The following WDR76 variants were observed in gnomAD, a reference collection of about 807,000 sequenced individuals.
The protein encoded by WDR76 is WD repeat domain 76.
In WDR76, 52 loss-of-function variants were observed where a neutral mutation model predicts 70.2. The observed-to-expected ratio is 0.74, with a 90% CI of 0.59 to 0.93. The LOEUF is 0.93. Ranked by LOEUF, WDR76 falls within the 40% of genes least tolerant of loss-of-function variation. The pLI is 0.00. For missense variants in WDR76, 756 were observed against 760.2 expected (o/e 0.99, Z 0.07); for synonymous variants, 292 against 271.1 (o/e 1.08, Z -0.76).
chr15:43,862,495 TTTTTTTG>T (rs971665265), intron 12 of WDR76, among the ~76,000 whole-genome samples: 3 of 147,438 alleles, frequency 2.0e-5, no homozygotes, highest in African/African-American at 7.9e-5. Flanking sequence ...TTTCTGTTTT[TTTTTTTG>T]TTTTTTGTTT....
Position 43,828,285 on chromosome 15 carries a change from A to G in WDR76, c.381A>G (p.Arg127=). The change falls in exon 2 of 13, where the codon AGA becomes AGG. Residue 127 remains arginine, a synonymous_variant. Transcript: ENST00000263795. ...AAAGTAACAAGCTACAACCCAAGAG[A>G]ACGGCAGATGCGATGAATCTCAGTG... The part of the protein sequence containing the change: ...HTESNKLQPK[R]TADAMNLSVD... The G allele has an allele frequency of 6.2e-7, 1 of 1,614,168 alleles. No individual in the cohort carries two copies. Among genetic ancestry groups the G allele is most frequent in the African/African-American group, 1.3e-5 (1 of 75,044 alleles).
rs146211620 is a variant in WDR76, at chr15:43,862,384, C to G, written c.1616+998C>G. ...CCAGGCTGGAGTGCAGTGGCATGAT[C>G]TTGGCTCACTGCAGCCTCCGCCTCC... On this transcript the variant is annotated intron_variant, in intron 12 of 12. Coordinates refer to ENST00000263795, the MANE Select transcript of WDR76 (RefSeq NM_024908.4). Among the ~76,000 whole-genome samples, 41 of 132,106 alleles carry G rather than the reference C, an allele frequency of 3.1e-4. No homozygotes were observed. In the East Asian group the frequency reaches 8.3e-3, roughly 27 times the overall value. 86.7% of individuals were successfully genotyped at this position (132,106 alleles called of 152,430 possible).
intron 5 of WDR76, among the ~76,000 whole-genome samples, chr15:43,841,016 ATTTC>A (rs1299223440): frequency 2.0e-5 from 3 of 150,534 alleles, no homozygotes; most frequent in African/African-American, 4.9e-5. Flanking sequence ...GCACTTTGGT[ATTTC>A]TTTTTTTTTT....
chr15:43,855,108 T>C (rs1181909821), intron 9 of WDR76, among the ~76,000 whole-genome samples: 1 of 152,248 alleles, frequency 6.6e-6, no homozygotes, highest in Non-Finnish European at 1.5e-5. Context: ...GTTGGAATTA[T>C]ATGATTTGTA....
intron 2 of WDR76, among the ~76,000 whole-genome samples, chr15:43,833,865 G>A (rs1403729229): frequency 6.6e-6 from 1 of 151,902 alleles, no homozygotes; most frequent in East Asian, 1.9e-4. Context: ...CTGATTTCCT[G>A]ACCTGGTGAT....
intron 2 of WDR76, among the ~76,000 whole-genome samples, chr15:43,829,676 T>G (rs1363966189): frequency 2.0e-5 from 3 of 151,870 alleles, no homozygotes; most frequent in Non-Finnish European, 1.5e-5. Flanking sequence ...CCGGCTAATT[T>G]TTTATATTTT....
Position 43,858,684 on chromosome 15 carries a change from T to G in WDR76, c.1423T>G (p.Tyr475Asp). ...ITAGLRDTHI[Y>D]DARRLNSRRS... ...CTCCCATTACAGGGATACTCATATT[T>G]ATGATGCAAGGCGATTGAATTCCAG... Residue 475 changes from tyrosine to aspartate, a missense_variant, in exon 11 of 13, where the codon TAT becomes GAT. Coordinates refer to ENST00000263795, the MANE Select transcript of WDR76 (RefSeq NM_024908.4). 6.2e-7 allele frequency: 1 copy of G among 1,614,034 alleles called. No individual in the cohort carries two copies. The highest frequency in any genetic ancestry group is 8.5e-7 in the Non-Finnish European group (1 of 1,179,942).
chr15:43,841,392 T>G (rs865971253), intron 5 of WDR76, among the ~76,000 whole-genome samples: 37 of 151,866 alleles, frequency 2.4e-4, no homozygotes, highest in African/African-American at 8.5e-4. Context: ...AGAGATGGGG[T>G]TTCACTGCGT....
intron 12 of WDR76, among the ~76,000 whole-genome samples, 182 bp from the exon 13 acceptor site, chr15:43,865,946 G>A (rs2088064937): frequency 6.6e-6 from 1 of 152,134 alleles, no homozygotes; most frequent in African/African-American, 2.4e-5. Context: ...GGAGGATATC[G>A]TCTCTGTCCA....
intron 11 of WDR76, 27 bp downstream of exon 11, chr15:43,858,850 T>C (rs1245422067): frequency 1.9e-6 from 3 of 1,609,126 alleles, no homozygotes; most frequent in African/African-American, 2.7e-5. Flanking sequence ...GAAATGTTTT[T>C]AGGGAATCTA....
chr15:43,830,997 G>A (rs1379996773), intron 2 of WDR76, among the ~76,000 whole-genome samples: 1 of 151,956 alleles, frequency 6.6e-6, no homozygotes, highest in African/African-American at 2.4e-5. Flanking sequence ...GCAGTGAGCC[G>A]AGATCATACC....
At chr15:43,859,670 C>A (rs1023400379) in intron 11 of WDR76, among the ~76,000 whole-genome samples, 1 of 152,154 alleles carries the variant, frequency 6.6e-6, no homozygotes, top group Non-Finnish European at 1.5e-5. Context: ...AAGAGAGTCA[C>A]CCGGGAATGG....
intron 12 of WDR76, among the ~76,000 whole-genome samples, chr15:43,865,405 T>C (rs1363434184): frequency 6.6e-6 from 1 of 152,260 alleles, no homozygotes; most frequent in Admixed American, 6.5e-5. Context: ...CCCTAGGAGC[T>C]GGGATTACAG....
intron 2 of WDR76, among the ~76,000 whole-genome samples, chr15:43,832,485 G>A (rs543213597): frequency 1.7e-4 from 25 of 151,028 alleles, no homozygotes; most frequent in African/African-American, 5.1e-4. Flanking sequence ...TCACCCTGTC[G>A]CCCAGGCTGG....
At chr15:43,841,436 T>A (rs1039585902) in intron 5 of WDR76, among the ~76,000 whole-genome samples, 8 of 152,036 alleles carry the variant, frequency 5.3e-5, no homozygotes, top group Admixed American at 5.2e-4. Context: ...CCTCATGATC[T>A]GCCCGCCTCG....
intron 2 of WDR76, among the ~76,000 whole-genome samples, chr15:43,829,570 G>A (rs968565502): frequency 7.8e-6 from 1 of 129,004 alleles, no homozygotes; most frequent in Admixed American, 9.6e-5. Flanking sequence ...GCAGTGGCAT[G>A]ATCTCGGCTT....
intron 8 of WDR76, among the ~76,000 whole-genome samples, chr15:43,845,103 A>G (rs957359579): frequency 6.8e-6 from 1 of 146,384 alleles, no homozygotes; most frequent in African/African-American, 2.4e-5. Flanking sequence ...CTGGGACTAC[A>G]GGCGCCTGCC....
At chr15:43,860,494 A>G (rs936561798) in intron 11 of WDR76, among the ~76,000 whole-genome samples, 3 of 152,014 alleles carry the variant, frequency 2.0e-5, no homozygotes, top group Admixed American at 6.6e-5. Context: ...ATCATTATTG[A>G]TGTTTTTTTA....
chr15:43,832,415 G>A (rs2087600603), intron 2 of WDR76, among the ~76,000 whole-genome samples: 1 of 147,684 alleles, frequency 6.8e-6, no homozygotes, highest in Non-Finnish European at 1.5e-5. Context: ...AACATGCCGA[G>A]GCCTGGGTTC....
Sources: allele counts gnomAD v4.1 joint callset (sites outside exome capture counted in the v4.1 genomes callset), GRCh38; gene constraint gnomAD v4.1.1; transcripts MANE v1.5; gene names NCBI Gene and HGNC (gene_info 2026-07-23, HGNC 2026-07-21).